The following RYR2 variants were observed in gnomAD, a reference collection of about 807,000 sequenced individuals.
The protein encoded by RYR2 is ryanodine receptor 2.
In RYR2, 227 loss-of-function variants were observed where a neutral mutation model predicts 601.1. The ratio of observed to expected loss-of-function variants is 0.38; its 90% CI spans 0.34 to 0.42. The LOEUF (loss-of-function observed/expected upper bound fraction) is 0.42. RYR2 is among the 10% of genes least tolerant of loss of function. The pLI is 1.00. For synonymous variants in RYR2, 2,223 were observed against 2,175.1 expected (o/e 1.02, Z -0.61); for missense variants, 4,646 against 6,156.5 (o/e 0.75, Z 8.21).
rs1417305977 is a variant in RYR2 at position 237,148,521 on chromosome 1, A to ATATATATATATATAT, written c.48+105952_48+105953insTATATATATATATAT. On this transcript the variant is annotated intron_variant, in intron 1 of 104. Coordinates refer to ENST00000366574, the MANE Select transcript of RYR2 (RefSeq NM_001035.3). Reference sequence around the variant, plus strand: ...TGTATCCCAGAACTTCAAGTAAAAAAAAAAAAATATATATATATATATATA... The same window carrying ATATATATATATATAT: ...TGTATCCCAGAACTTCAAGTAAAAAATATATATATATATATAAAAAAATATATATATATATATATA... Among the ~76,000 whole-genome samples, 8 of 44,008 alleles carry ATATATATATATATAT rather than the reference A, an allele frequency of 1.8e-4. No individual in the cohort carries two copies. The South Asian group carries it at 3.8e-3, about 21-fold the overall frequency. 28.9% of individuals were successfully genotyped at this position (44,008 alleles called of 152,430 possible).
At chr1:237,631,584 T>A (rs970636205) in intron 42 of RYR2, 43 bp downstream of exon 42, 4 of 904,010 alleles carry the variant, frequency 4.4e-6, no homozygotes, top group Non-Finnish European at 6.8e-6. Context: ...TATCATCTCC[T>A]GGAGTATATA....
intron 80 of RYR2, among the ~76,000 whole-genome samples, chr1:237,751,377 A>G (rs1320680694): frequency 6.6e-6 from 1 of 152,220 alleles, no homozygotes; most frequent in East Asian, 1.9e-4. Context: ...CTAATTTGAT[A>G]GCTTCTGATT....
intron 27 of RYR2, among the ~76,000 whole-genome samples, chr1:237,560,141 G>T (rs1671303272): frequency 6.6e-6 from 1 of 152,230 alleles, no homozygotes; most frequent in Non-Finnish European, 1.5e-5. Flanking sequence ...CTGAATACAT[G>T]CACAGCCCTG....
At chr1:237,699,464 C>T (rs1455902702) in intron 64 of RYR2, among the ~76,000 whole-genome samples, 1 of 152,130 alleles carries the variant, frequency 6.6e-6, no homozygotes, top group Non-Finnish European at 1.5e-5. Context: ...GACGAATTCC[C>T]ATCTGTGTGC....
chr1:237,651,682 A>C (rs1020341630), intron 51 of RYR2, among the ~76,000 whole-genome samples, 181 bp downstream of exon 51: 2 of 152,226 alleles, frequency 1.3e-5, no homozygotes, highest in African/African-American at 4.8e-5. Flanking sequence ...AACTTCTATA[A>C]GATTATAGAA....
chr1:237,526,769 T>C (rs889254592), intron 24 of RYR2, among the ~76,000 whole-genome samples: 1 of 152,220 alleles, frequency 6.6e-6, no homozygotes, highest in African/African-American at 2.4e-5. Context: ...TCCCATTCTG[T>C]AGGTTGTCTA....
At chr1:237,200,701 G>A (rs1203200712) in intron 1 of RYR2, among the ~76,000 whole-genome samples, 1 of 152,168 alleles carries the variant, frequency 6.6e-6, no homozygotes, top group Non-Finnish European at 1.5e-5. Flanking sequence ...GATACTTTGG[G>A]TTGATACCCC....
Position 237,106,253 on chromosome 1 carries a change from T to C in RYR2, c.48+63684T>C, listed in dbSNP as rs1259057502. Among the ~76,000 whole-genome samples, 1 of 152,138 alleles carries C rather than the reference T, an allele frequency of 6.6e-6. No homozygotes were observed. The highest frequency in any genetic ancestry group is 2.4e-5 in the African/African-American group (1 of 41,440). ...AATAGATGTTCCTGGTAAACAGGGG[T>C]GGGCAGGGAGAACAGCTCCCCTGCA... On this transcript the variant is annotated intron_variant, in intron 1 of 104. Coordinates refer to ENST00000366574, the MANE Select transcript of RYR2 (RefSeq NM_001035.3). The surrounding 1 kb of genome is among the most constrained non-coding windows in gnomAD (Gnocchi z 4.4).
At chr1:237,396,602 G>C (rs1470085091) in intron 10 of RYR2, among the ~76,000 whole-genome samples, 1 of 152,162 alleles carries the variant, frequency 6.6e-6, no homozygotes, top group Non-Finnish European at 1.5e-5. Context: ...TTGGCAGAAA[G>C]CTCAAGTTTT....
At chr1:237,823,537 G>A (rs1184646566) in intron 101 of RYR2, among the ~76,000 whole-genome samples, 3 of 152,192 alleles carry the variant, frequency 2.0e-5, no homozygotes, top group African/African-American at 7.2e-5. Flanking sequence ...GTAGTGTGTA[G>A]AGGGAAACTT....
intron 1 of RYR2, among the ~76,000 whole-genome samples, chr1:237,108,512 C>A (rs139036661): frequency 6.6e-6 from 1 of 152,230 alleles, no homozygotes; most frequent in Non-Finnish European, 1.5e-5. Context: ...ACCTTGCAGC[C>A]TGCAGAAGCT....
chr1:237,664,220 T>C (rs1684074055), intron 56 of RYR2, among the ~76,000 whole-genome samples: 1 of 152,214 alleles, frequency 6.6e-6, no homozygotes, highest in Non-Finnish European at 1.5e-5. Flanking sequence ...GTGTTTCTTA[T>C]CTAGAACTAA....
chr1:237,647,349 C>T (rs1248333057), intron 48 of RYR2, among the ~76,000 whole-genome samples: 3 of 152,170 alleles, frequency 2.0e-5, no homozygotes, highest in Admixed American at 6.5e-5. Flanking sequence ...TGTGTAAGAT[C>T]GTGTCAGTAA....
chr1:237,763,937 G>C (rs1693635787), intron 84 of RYR2, among the ~76,000 whole-genome samples: 1 of 152,186 alleles, frequency 6.6e-6, no homozygotes, highest in Middle Eastern at 3.2e-3. Flanking sequence ...TCTTGGAAGG[G>C]ATAGAAAAGG....
intron 1 of RYR2, among the ~76,000 whole-genome samples, chr1:237,144,266 A>G (rs979659596): frequency 1.3e-5 from 2 of 152,200 alleles, no homozygotes; most frequent in African/African-American, 4.8e-5. Context: ...CTCAAGACAG[A>G]CTACTCCTTA....
At chr1:237,348,671 C>T (rs538615717) in intron 3 of RYR2, among the ~76,000 whole-genome samples, 56 of 152,248 alleles carry the variant, frequency 3.7e-4, no homozygotes, top group African/African-American at 1.3e-3. Context: ...CAAATTTTAA[C>T]ACAGTATCTG....
intron 29 of RYR2, among the ~76,000 whole-genome samples, chr1:237,580,784 C>G (rs1327455646): frequency 6.6e-6 from 1 of 152,090 alleles, no homozygotes; most frequent in Non-Finnish European, 1.5e-5. Context: ...CTGGTGTCCT[C>G]ATAAGAAGAG....
intron 16 of RYR2, among the ~76,000 whole-genome samples, chr1:237,466,196 C>T (rs1222210025): frequency 6.6e-6 from 1 of 152,120 alleles, no homozygotes; most frequent in African/African-American, 2.4e-5. Flanking sequence ...GATAGGGTCT[C>T]ACTCCATCAC....
intron 1 of RYR2, among the ~76,000 whole-genome samples, chr1:237,102,323 G>A (rs935949952): frequency 6.6e-6 from 1 of 152,150 alleles, no homozygotes; most frequent in African/African-American, 2.4e-5. Flanking sequence ...ATCCAGGAAG[G>A]TTGAAAATAT....
Sources: allele counts gnomAD v4.1 joint callset (sites outside exome capture counted in the v4.1 genomes callset), GRCh38; gene constraint gnomAD v4.1.1; non-coding constraint Gnocchi (gnomAD v3.1); transcripts MANE v1.5; gene names NCBI Gene and HGNC (gene_info 2026-07-23, HGNC 2026-07-21).